Variants in PDE10A observed in about 807,000 individuals in gnomAD.
The protein encoded by PDE10A is cAMP and cAMP-inhibited cGMP 3',5'-cyclic phosphodiesterase 10A.
PDE10A carries 39 observed loss-of-function variants against 97.7 expected under a neutral mutation model. The observed-to-expected ratio is 0.40, with a 90% CI of 0.31 to 0.52. The LOEUF is 0.52. Among genes scored for constraint, PDE10A ranks in the 20% least tolerant of loss-of-function variants. The pLI, the probability that PDE10A is intolerant of heterozygous loss-of-function variation, is 0.56. For synonymous variants in PDE10A, 371 were observed against 376.8 expected, an observed-to-expected ratio of 0.98 and a Z score of 0.18; for missense variants, 731 against 1,047.8, an observed-to-expected ratio of 0.70 and a Z score of 4.17.
intron 13 of PDE10A, among the ~76,000 whole-genome samples, chr6:165,400,764 CTGTT>C (rs1439389925): frequency 1.3e-5 from 2 of 152,140 alleles, no homozygotes; most frequent in Non-Finnish European, 2.9e-5. Flanking sequence ...CACAGACCAA[CTGTT>C]TGTTTGTAGC....
intron 1 of PDE10A, among the ~76,000 whole-genome samples, chr6:165,560,994 C>A (rs371170274): frequency 6.6e-6 from 1 of 152,010 alleles, no homozygotes; most frequent in African/African-American, 2.4e-5. Flanking sequence ...TTGAGGCGGG[C>A]GGATCACGAG....
At chr6:165,434,016 C>CAAAAAAAA (rs759945561) in intron 6 of PDE10A, among the ~76,000 whole-genome samples, 5 of 54,518 alleles carry the variant, frequency 9.2e-5, no homozygotes, top group Admixed American at 2.1e-4. Context: ...GACTCCGTCT[C>CAAAAAAAA]AAAAAAAAAA....
chr6:165,380,712 C>A (rs1157826386), intron 17 of PDE10A, among the ~76,000 whole-genome samples: 1 of 152,204 alleles, frequency 6.6e-6, no homozygotes, highest in Non-Finnish European at 1.5e-5. Context: ...TGGTTAGTGA[C>A]TGATGGGGAC....
At chr6:165,954,303 C>T (rs1784062755) in intron 1 of PDE10A, among the ~76,000 whole-genome samples, 1 of 152,198 alleles carries the variant, frequency 6.6e-6, no homozygotes, top group Non-Finnish European at 1.5e-5. Flanking sequence ...GACATTACCA[C>T]TCTTGTGACG....
chr6:165,425,127 T>G (rs1267874454), intron 10 of PDE10A, among the ~76,000 whole-genome samples: 4 of 152,182 alleles, frequency 2.6e-5, no homozygotes, highest in African/African-American at 9.6e-5. Context: ...GAATCTCTAC[T>G]ATTGTGCATT....
chr6:165,632,200 C>CAAA (rs71552885), intron 1 of PDE10A, among the ~76,000 whole-genome samples: 24,441 of 66,894 alleles, frequency 0.37, 5,105 homozygotes, highest in East Asian at 0.62. Flanking sequence ...GAGTCCATCT[C>CAAA]AAAAAAAAAA....
intron 1 of PDE10A, among the ~76,000 whole-genome samples, chr6:165,959,617 C>T (rs754588574): frequency 9.2e-5 from 14 of 152,198 alleles, no homozygotes; most frequent in Non-Finnish European, 1.9e-4. Context: ...TCCATCCACA[C>T]CCTCTGTTTC....
intron 1 of PDE10A, among the ~76,000 whole-genome samples, chr6:165,973,294 C>T (rs1214558428): frequency 2.0e-5 from 3 of 151,982 alleles, no homozygotes; most frequent in Non-Finnish European, 4.4e-5. Context: ...TGGCAGGTGC[C>T]CGTAATCCCA....
intron 18 of PDE10A, among the ~76,000 whole-genome samples, chr6:165,370,091 G>A (rs924264396): frequency 1.3e-5 from 2 of 152,030 alleles, no homozygotes; most frequent in Admixed American, 6.6e-5. Context: ...ACTAAACATG[G>A]AAAGGAACAA....
At chr6:165,336,746 A>G (rs1781675966) in intron 20 of PDE10A, among the ~76,000 whole-genome samples, 1 of 128,022 alleles carries the variant, frequency 7.8e-6, no homozygotes, top group Admixed American at 9.4e-5. Flanking sequence ...ACAGAGCGAG[A>G]CTCCGTCTCA....
chr6:165,536,976 AAGATAT>A (rs1220739004), intron 2 of PDE10A, among the ~76,000 whole-genome samples: 1 of 152,098 alleles, frequency 6.6e-6, no homozygotes, highest in African/African-American at 2.4e-5. Context: ...CAGCATATCA[AAGATAT>A]ATCTGTCCTC....
intron 1 of PDE10A, among the ~76,000 whole-genome samples, chr6:165,958,443 C>T: frequency 7.3e-6 from 1 of 137,380 alleles, no homozygotes; most frequent in Admixed American, 8.1e-5. Context: ...CCAGCCTGGG[C>T]AACAAAGAGA....
chr6:165,920,772 G>A (rs1782732568), intron 1 of PDE10A, among the ~76,000 whole-genome samples: 1 of 151,500 alleles, frequency 6.6e-6, no homozygotes, highest in African/African-American at 2.4e-5. Flanking sequence ...TCATTTATTT[G>A]CTTCACTCTG....
At chr6:165,907,953 C>A (rs1047264541) in intron 1 of PDE10A, among the ~76,000 whole-genome samples, 8 of 152,210 alleles carry the variant, frequency 5.3e-5, no homozygotes, top group Admixed American at 2.6e-4. Context: ...AACTACACCT[C>A]GAGCCTTAGG....
intron 1 of PDE10A, among the ~76,000 whole-genome samples, chr6:165,624,084 G>C (rs535183224): frequency 5.7e-4 from 87 of 152,312 alleles, no homozygotes; most frequent in African/African-American, 2.0e-3. Context: ...TCAAAGTCTT[G>C]GATCTTCCTT....
intron 17 of PDE10A, among the ~76,000 whole-genome samples, chr6:165,386,569 A>T (rs1157364265): frequency 6.6e-6 from 1 of 152,198 alleles, no homozygotes; most frequent in Non-Finnish European, 1.5e-5. Flanking sequence ...ATAGTCTCCA[A>T]TGATGAATGA....
intron 13 of PDE10A, among the ~76,000 whole-genome samples, chr6:165,403,684 A>G (rs1786863159): frequency 6.6e-6 from 1 of 152,208 alleles, no homozygotes; most frequent in Non-Finnish European, 1.5e-5. Flanking sequence ...AATTAAATTG[A>G]TTCTCTAAGC....
At chr6:165,822,534 CA>C (rs1022470158) in intron 1 of PDE10A, among the ~76,000 whole-genome samples, 12 of 152,160 alleles carry the variant, frequency 7.9e-5, no homozygotes, top group African/African-American at 2.7e-4. Context: ...AGTACTGTTC[CA>C]AATACTTCAG....
intron 13 of PDE10A, among the ~76,000 whole-genome samples, chr6:165,406,114 T>C (rs750584077): frequency 1.3e-5 from 2 of 152,260 alleles, no homozygotes; most frequent in East Asian, 3.9e-4. Flanking sequence ...TATAAACTTG[T>C]AGACTTGGAG....
Sources: allele counts gnomAD v4.1 joint callset (sites outside exome capture counted in the v4.1 genomes callset), GRCh38; gene constraint gnomAD v4.1.1; transcripts MANE v1.5; gene names NCBI Gene and HGNC (gene_info 2026-07-23, HGNC 2026-07-21).